Variants in SKIL observed in about 807,000 individuals in gnomAD.
SKIL encodes the protein SKI like proto-oncogene.
SKIL carries 20 observed loss-of-function variants against 69.6 expected under a neutral mutation model. That is an observed-to-expected ratio of 0.29 (90% confidence interval 0.20 to 0.42). The LOEUF is 0.42. SKIL is among the 10% of genes least tolerant of loss of function. The pLI is 1.00. For missense variants in SKIL, 745 were observed against 783.1 expected (o/e 0.95, Z 0.58); for synonymous variants, 310 against 279.9 (o/e 1.11, Z -1.08).
At chr3:170,371,455 G>A (rs1204879901) in intron 2 of SKIL, among the ~76,000 whole-genome samples, 2 of 152,094 alleles carry the variant, frequency 1.3e-5, no homozygotes, top group East Asian at 1.9e-4. Context: ...TGCAATGAGC[G>A]GAGATCGTGC....
intron 2 of SKIL, among the ~76,000 whole-genome samples, chr3:170,373,861 A>G (rs1736901135): frequency 6.6e-6 from 1 of 152,210 alleles, no homozygotes; most frequent in Non-Finnish European, 1.5e-5. Flanking sequence ...ACTGTTCCCC[A>G]GAGCAAGACC....
rs1047240577 is a variant in SKIL, at chr3:170,396,555, T to C, written c.*4138T>C. ...AAAATTTTGCCAATGATGTACAGTT[T>C]TATGGTTAAAGTTGCTGTGGTTGGT... On this transcript the variant is annotated 3_prime_UTR_variant, in exon 7 of 7. Coordinates refer to ENST00000259119, the MANE Select transcript of SKIL (RefSeq NM_005414.5). The C allele has an allele frequency of 4.6e-5, 7 of 152,210 alleles. No homozygotes were observed. The highest frequency in any genetic ancestry group is 8.8e-5 in the Non-Finnish European group (6 of 68,030). The allele number at this position is 152,210 out of a possible 1,614,324, so 9.4% of individuals were successfully genotyped here.
intron 2 of SKIL, among the ~76,000 whole-genome samples, chr3:170,377,463 T>C (rs1299317270): frequency 1.3e-5 from 2 of 150,636 alleles, no homozygotes; most frequent in Non-Finnish European, 3.0e-5. Context: ...TATTCAACTC[T>C]TAAATCTTTT....
chr3:170,385,451 T>C (rs1259787259), intron 4 of SKIL, among the ~76,000 whole-genome samples: 3 of 152,054 alleles, frequency 2.0e-5, no homozygotes, highest in Admixed American at 1.3e-4. Flanking sequence ...AGAAGTATTA[T>C]GTAAGTAAGA....
Position 170,384,566 on chromosome 3 carries a change from C to G in SKIL, c.1230C>G (p.Ala410=). The change falls in exon 4 of 7, where the codon GCC becomes GCG. Residue 410 remains alanine, a synonymous_variant. Transcript: ENST00000259119. ...YYLYMCDKVV[A]PNVSLTSAVS... ...TATACATGTGTGATAAAGTGGTTGCCCCAAATGTGTCACTTACTTCTGCTG... is the reference window on the plus strand; with the variant it reads ...TATACATGTGTGATAAAGTGGTTGCGCCAAATGTGTCACTTACTTCTGCTG... 6.2e-7 allele frequency: 1 copy of G among 1,609,632 alleles called. No homozygotes were observed. Among genetic ancestry groups the G allele is most frequent in the South Asian group, 1.1e-5 (1 of 90,402 alleles).
intron 2 of SKIL, among the ~76,000 whole-genome samples, chr3:170,372,153 T>G (rs1184579948): frequency 5.9e-5 from 9 of 152,226 alleles, no homozygotes; most frequent in African/African-American, 4.8e-5. Context: ...TGTCACAGGA[T>G]TAACAGGATT....
chr3:170,373,438 A>G (rs930511457), intron 2 of SKIL, among the ~76,000 whole-genome samples: 2 of 152,064 alleles, frequency 1.3e-5, no homozygotes, highest in African/African-American at 4.8e-5. Flanking sequence ...TTGGCCTCCC[A>G]AAGTGCTGGG....
chr3:170,375,487 T>C (rs953837564), intron 2 of SKIL, among the ~76,000 whole-genome samples: 3 of 152,248 alleles, frequency 2.0e-5, no homozygotes, highest in African/African-American at 4.8e-5. Context: ...ATTTAGAATT[T>C]GCTTGATATT....
intron 2 of SKIL, among the ~76,000 whole-genome samples, chr3:170,377,312 A>G (rs1737077923): frequency 2.7e-5 from 4 of 150,584 alleles, no homozygotes; most frequent in Non-Finnish European, 5.9e-5. Flanking sequence ...ATCTCAGCTC[A>G]CTGCAACCTC....
chr3:170,363,938 AGCTAATTAGGT>A (rs1292194797), intron 2 of SKIL, among the ~76,000 whole-genome samples: 1 of 151,850 alleles, frequency 6.6e-6, no homozygotes, highest in Non-Finnish European at 1.5e-5. Flanking sequence ...CTTGCCCCCA[AGCTAATTAGGT>A]GCTGTACTTT....
At chr3:170,364,108 G>A (rs1472139540) in intron 2 of SKIL, among the ~76,000 whole-genome samples, 5 of 152,098 alleles carry the variant, frequency 3.3e-5, no homozygotes, top group Admixed American at 3.3e-4. Context: ...CCACCGCCAT[G>A]CCCAGCTAAT....
At chr3:170,391,317 C>A (rs891827189) in intron 6 of SKIL, 57 bp downstream of exon 6, 1 of 1,005,494 alleles carries the variant, frequency 9.9e-7, no homozygotes, top group Non-Finnish European at 1.5e-6. Flanking sequence ...GAAACTGTTA[C>A]TTCTCTCTTT....
chr3:170,387,128 C>T (rs937723716), intron 4 of SKIL, among the ~76,000 whole-genome samples: 2 of 152,052 alleles, frequency 1.3e-5, no homozygotes, highest in African/African-American at 4.8e-5. Context: ...AGCGATTCTC[C>T]TGCCTCAGCC....
intron 6 of SKIL, among the ~76,000 whole-genome samples, chr3:170,391,724 C>T (rs1005244114): frequency 7.2e-5 from 11 of 152,074 alleles, no homozygotes; most frequent in Admixed American, 7.2e-4. Context: ...CTGTATTGTC[C>T]AAGATGATTA....
At chr3:170,390,955 C>T (rs1737880436) in intron 5 of SKIL, 81 bp from the exon 6 acceptor site, 1 of 704,454 alleles carries the variant, frequency 1.4e-6, no homozygotes, top group South Asian at 1.9e-5. Flanking sequence ...TAGGTATTTT[C>T]TGTGCTATGT....
chr3:170,380,658 AT>A (rs202166249), intron 2 of SKIL, among the ~76,000 whole-genome samples: 1 of 152,076 alleles, frequency 6.6e-6, no homozygotes, highest in Non-Finnish European at 1.5e-5. Context: ...AAAAAAAAAA[AT>A]AAATAAATAA....
At chr3:170,388,377 C>T (rs1268142753) in intron 4 of SKIL, among the ~76,000 whole-genome samples, 1 of 151,862 alleles carries the variant, frequency 6.6e-6, no homozygotes, top group Non-Finnish European at 1.5e-5. Context: ...TGTAAGAGTT[C>T]TTTATATATT....
At chr3:170,370,453 CCCG>C (rs1272482755) in intron 2 of SKIL, among the ~76,000 whole-genome samples, 3 of 47,848 alleles carry the variant, frequency 6.3e-5, no homozygotes, top group South Asian at 9.1e-4. Context: ...CCCCCCCCCC[CCCG>C]AGCAGGAGTT....
chr3:170,385,311 C>T (rs1466162268), intron 4 of SKIL, among the ~76,000 whole-genome samples: 1 of 146,010 alleles, frequency 6.8e-6, no homozygotes, highest in Non-Finnish European at 1.5e-5. Context: ...AAGCTGGTCT[C>T]GAACTCCTGG....
Sources: allele counts gnomAD v4.1 joint callset (sites outside exome capture counted in the v4.1 genomes callset), GRCh38; gene constraint gnomAD v4.1.1; transcripts MANE v1.5; gene names NCBI Gene and HGNC (gene_info 2026-07-23, HGNC 2026-07-21).